The following UNC13C variants were observed in gnomAD, a reference collection of about 807,000 sequenced individuals.
UNC13C encodes unc-13 homolog C.
In UNC13C, 174 loss-of-function variants were observed where a neutral mutation model predicts 245.4. The ratio of observed to expected loss-of-function variants is 0.71; its 90% confidence interval spans 0.63 to 0.80. The LOEUF is 0.80. Ranked by LOEUF, UNC13C falls within the 30% of genes least tolerant of loss-of-function variation. The probability of loss-of-function intolerance (pLI) is 0.00; values close to 1 mark genes in which losing one functional copy is unlikely to be tolerated. For missense variants in UNC13C, 2,829 were observed against 2,602.9 expected, an observed-to-expected ratio of 1.09 and a Z score of -1.89; for synonymous variants, 992 against 895.1, an observed-to-expected ratio of 1.11 and a Z score of -1.93.
intron 13 of UNC13C, among the ~76,000 whole-genome samples, chr15:54,320,064 A>G (rs145235938): frequency 2.3e-3 from 347 of 152,094 alleles, no homozygotes; most frequent in African/African-American, 7.8e-3. Context: ...TAGAAAAGAG[A>G]ATTGCTTACA....
At chr15:54,258,163 C>CA (rs35716621) in intron 8 of UNC13C, among the ~76,000 whole-genome samples, 55,586 of 149,970 alleles carry the variant, frequency 0.37, 10,395 homozygotes, top group Middle Eastern at 0.41. Flanking sequence ...TTATGGATGT[C>CA]AAAAAAATAA....
intron 2 of UNC13C, among the ~76,000 whole-genome samples, chr15:54,025,384 C>G (rs1188201836): frequency 6.6e-6 from 1 of 152,194 alleles, no homozygotes; most frequent in Non-Finnish European, 1.5e-5. Context: ...TTTATTAATT[C>G]CTTTCTTATG....
chr15:54,482,260 C>T (rs1893160927), intron 19 of UNC13C, among the ~76,000 whole-genome samples: 1 of 152,016 alleles, frequency 6.6e-6, no homozygotes, highest in Admixed American at 6.5e-5. Flanking sequence ...AGCTTTTAGC[C>T]CTCTGGGCAC....
In UNC13C at chr15:54,039,477, TAA is replaced by T. The variant is rs1896723407; in HGVS notation, c.2983+23592_2983+23593del. Among the ~76,000 whole-genome samples, 11 of 152,244 alleles carry T rather than the reference TAA, an allele frequency of 7.2e-5. No individual in the cohort carries two copies. The South Asian group carries it at 2.3e-3, about 32-fold the overall frequency. On this transcript the variant is annotated intron_variant, in intron 2 of 32. Coordinates refer to ENST00000260323, the MANE Select transcript of UNC13C (RefSeq NM_001080534.3). Reference sequence around the variant, plus strand: ...GACACTAAAGTCAAGCTAATGAAAGTAAGGAAAAATAACCAACTAGAATCCCT... The same window carrying T: ...GACACTAAAGTCAAGCTAATGAAAGTGGAAAAATAACCAACTAGAATCCCT...
the UNC13C span, among the ~76,000 whole-genome samples, chr15:53,961,365 G>A: frequency 6.6e-6 from 1 of 152,236 alleles, no homozygotes; most frequent in Admixed American, 6.5e-5. Flanking sequence ...TGCAAAGAGG[G>A]CTACAGAAGC....
chr15:53,908,315 G>A, the UNC13C span, among the ~76,000 whole-genome samples: 2 of 146,370 alleles, frequency 1.4e-5, no homozygotes, highest in Admixed American at 1.4e-4. Flanking sequence ...AGGGAATACT[G>A]TAAAGTTTCT....
intron 17 of UNC13C, among the ~76,000 whole-genome samples, chr15:54,386,198 A>T (rs1362996235): frequency 6.6e-6 from 1 of 152,206 alleles, no homozygotes; most frequent in African/African-American, 2.4e-5. Flanking sequence ...AGTTAAGAGG[A>T]TGTGGAAATT....
At chr15:53,935,108 A>G in the UNC13C span, among the ~76,000 whole-genome samples, 1 of 152,028 alleles carries the variant, frequency 6.6e-6, no homozygotes, top group Admixed American at 6.6e-5. Flanking sequence ...CATTGTCACA[A>G]TATCTCCTAC....
At chr15:54,631,103 G>A (rs1272222358), downstream of UNC13C, 1 of 152,152 alleles carries the variant, frequency 6.6e-6, no homozygotes, top group Non-Finnish European at 1.5e-5. Flanking sequence ...CCAGCACACT[G>A]AGAGGCCGAG....
Position 54,015,653 on chromosome 15 carries a change from C to T in UNC13C, c.2750C>T (p.Pro917Leu), listed in dbSNP as rs921325834. The T allele has an allele frequency of 3.7e-6, 6 of 1,613,490 alleles. No individual in the cohort carries two copies. The African/African-American group carries it at 5.3e-5, about 14-fold the overall frequency. The change falls in exon 2 of 33, where the codon CCA becomes CTA. Residue 917 changes from proline (P) to leucine (L), a missense_variant. Coordinates refer to ENST00000260323, the MANE Select transcript of UNC13C (RefSeq NM_001080534.3). ...TCATATGAAACACCTTATGAAACCCCACAAGATGAGGGTTATGATGGTCCA... is the reference window on the plus strand; with the variant it reads ...TCATATGAAACACCTTATGAAACCCTACAAGATGAGGGTTATGATGGTCCA... ...HLSYETPYET[P>L]QDEGYDGPAD...
intron 2 of UNC13C, among the ~76,000 whole-genome samples, chr15:54,035,905 T>C (rs1175386531): frequency 6.6e-6 from 1 of 151,884 alleles, no homozygotes; most frequent in Non-Finnish European, 1.5e-5. Context: ...GCCAGAAAGA[T>C]AGAGAAGATG....
chr15:54,611,302 A>G (rs1900079283), intron 30 of UNC13C, among the ~76,000 whole-genome samples: 1 of 152,200 alleles, frequency 6.6e-6, no homozygotes, highest in Non-Finnish European at 1.5e-5. Flanking sequence ...ATTTCCACTC[A>G]AATCAGCAAG....
chr15:54,448,019 A>G (rs1225339541), intron 19 of UNC13C, among the ~76,000 whole-genome samples: 2 of 152,064 alleles, frequency 1.3e-5, no homozygotes, highest in East Asian at 1.9e-4. Flanking sequence ...TTCTGCCTTC[A>G]TTTCGTTATG....
chr15:54,296,148 A>G (rs2037423137), intron 11 of UNC13C, among the ~76,000 whole-genome samples: 2 of 152,094 alleles, frequency 1.3e-5, no homozygotes, highest in Non-Finnish European at 1.5e-5. Context: ...TGTGACCAAA[A>G]AAGACCCTAG....
the UNC13C span, among the ~76,000 whole-genome samples, chr15:53,954,285 G>C: frequency 6.6e-6 from 1 of 152,294 alleles, no homozygotes; most frequent in African/African-American, 2.4e-5. Context: ...TGTCCCACTA[G>C]AGTGTGTGCT....
chr15:54,233,930 G>A (rs926041158), intron 4 of UNC13C, among the ~76,000 whole-genome samples: 1 of 152,058 alleles, frequency 6.6e-6, no homozygotes. Flanking sequence ...GCTATCATCA[G>A]TAATATTAGC....
chr15:53,899,658 G>A, the UNC13C span, among the ~76,000 whole-genome samples: 5 of 151,994 alleles, frequency 3.3e-5, no homozygotes, highest in African/African-American at 1.2e-4. Context: ...TCCACCTCCC[G>A]GGTTCAAGCG....
intron 17 of UNC13C, among the ~76,000 whole-genome samples, chr15:54,380,372 A>G (rs2039697802): frequency 6.6e-6 from 1 of 152,168 alleles, no homozygotes; most frequent in South Asian, 2.1e-4. Flanking sequence ...CCACTCATTC[A>G]TTGATAGCTA....
At chr15:54,577,992 G>C (rs1002067145) in intron 30 of UNC13C, among the ~76,000 whole-genome samples, 3 of 152,166 alleles carry the variant, frequency 2.0e-5, no homozygotes, top group African/African-American at 7.2e-5. Context: ...CCTTTGTCCA[G>C]AATGAACAAA....
Sources: gnomAD v4.1 joint callset for allele counts (sites outside exome capture counted in the v4.1 genomes callset) on GRCh38, gnomAD v4.1.1 for gene constraint, MANE v1.5 for transcripts, NCBI Gene and HGNC (gene_info 2026-07-23, HGNC 2026-07-21) for gene names.